Variants in SOX5 observed in about 807,000 individuals in gnomAD.
SOX5 encodes the protein transcription factor SOX-5.
SOX5 carries 9 observed loss-of-function variants against 92.0 expected under a neutral mutation model. The ratio of observed to expected loss-of-function variants is 0.10; its 90% CI spans 0.06 to 0.17. The LOEUF (loss-of-function observed/expected upper bound fraction) is 0.17, where lower values mean the gene tolerates loss of function less well. Ranked by LOEUF, SOX5 falls within the 10% of genes least tolerant of loss-of-function variation. The pLI is 1.00. For synonymous variants in SOX5, 344 were observed against 336.3 expected (o/e 1.02, Z -0.25); for missense variants, 642 against 944.5 (o/e 0.68, Z 4.20).
chr12:24,262,579 A>G (rs1942304944), intron 3 of SOX5, among the ~76,000 whole-genome samples: 1 of 152,232 alleles, frequency 6.6e-6, no homozygotes, highest in South Asian at 2.1e-4. Flanking sequence ...AGGTGACCCC[A>G]TCTTGAGACA....
intron 7 of SOX5, among the ~76,000 whole-genome samples, chr12:23,652,847 T>C (rs2081792251): frequency 6.6e-6 from 1 of 152,144 alleles, no homozygotes; most frequent in African/African-American, 2.4e-5. Flanking sequence ...TAGTTTCCAG[T>C]AGCATTCAAT....
At chr12:24,066,349 A>G (rs1422406199) in intron 4 of SOX5, among the ~76,000 whole-genome samples, 1 of 152,218 alleles carries the variant, frequency 6.6e-6, no homozygotes, top group African/African-American at 2.4e-5. Context: ...GTATGAAATG[A>G]AAATCAATCA....
chr12:24,423,625 G>A (rs1966269913), intron 1 of SOX5, among the ~76,000 whole-genome samples: 1 of 152,182 alleles, frequency 6.6e-6, no homozygotes, highest in South Asian at 2.1e-4. Flanking sequence ...AGCCTCAGCA[G>A]TCAACAGTTT....
chr12:24,285,866 A>C (rs1038678635), intron 2 of SOX5, among the ~76,000 whole-genome samples: 2 of 152,220 alleles, frequency 1.3e-5, no homozygotes, highest in African/African-American at 4.8e-5. Context: ...TGTGCTTAAT[A>C]ATTAACGGAA....
intron 6 of SOX5, among the ~76,000 whole-genome samples, chr12:23,696,158 G>C (rs779086752): frequency 6.6e-6 from 1 of 151,676 alleles, no homozygotes; most frequent in African/African-American, 2.4e-5. Flanking sequence ...GTATTCATTA[G>C]TATTCATTCT....
intron 4 of SOX5, among the ~76,000 whole-genome samples, chr12:24,091,810 T>G (rs1399871198): frequency 6.6e-6 from 1 of 152,086 alleles, no homozygotes; most frequent in Non-Finnish European, 1.5e-5. Context: ...CATCTAGCCA[T>G]TTCTATTTTC....
chr12:23,904,947 C>T (rs777559770), intron 1 of SOX5, among the ~76,000 whole-genome samples: 6 of 151,756 alleles, frequency 4.0e-5, no homozygotes, highest in Non-Finnish European at 7.4e-5. Flanking sequence ...GGATTAGATG[C>T]GCAAAACAAT....
At chr12:24,419,380 T>C (rs949199267) in intron 1 of SOX5, among the ~76,000 whole-genome samples, 2 of 152,218 alleles carry the variant, frequency 1.3e-5, no homozygotes, top group Admixed American at 1.3e-4. Flanking sequence ...CCTCAAGTGA[T>C]CTGCCTGCCT....
At chr12:24,548,110 C>T (rs191866359) in intron 1 of SOX5, among the ~76,000 whole-genome samples, 119 of 152,018 alleles carry the variant, frequency 7.8e-4, no homozygotes, top group African/African-American at 2.8e-3. Flanking sequence ...GTAATTATAC[C>T]CATTCTGCAG....
chr12:23,612,340 A>G (rs936629570), intron 8 of SOX5, among the ~76,000 whole-genome samples: 1 of 152,128 alleles, frequency 6.6e-6, no homozygotes, highest in African/African-American at 2.4e-5. Context: ...AAATGTGACC[A>G]ATGAGATTGT....
intron 11 of SOX5, among the ~76,000 whole-genome samples, chr12:23,554,616 A>T (rs12809491): frequency 0.37 from 55,534 of 152,032 alleles, 10,226 homozygotes; most frequent in Admixed American, 0.42. Flanking sequence ...CAAAATATGA[A>T]GGGAAAGCCA....
At chr12:24,560,763 A>G (rs1412154134) in intron 1 of SOX5, among the ~76,000 whole-genome samples, 1 of 152,220 alleles carries the variant, frequency 6.6e-6, no homozygotes, top group African/African-American at 2.4e-5. Context: ...CTTTAAAGCC[A>G]TCTGGCCCTT....
chr12:23,965,163 C>T (rs61517249), intron 4 of SOX5, among the ~76,000 whole-genome samples: 6,022 of 152,262 alleles, frequency 0.04, 552 homozygotes, highest in East Asian at 0.38. Context: ...TGGATTATCT[C>T]GATGGTGTCC....
At chr12:24,190,927 CCTT>C (rs1956460818) in intron 4 of SOX5, among the ~76,000 whole-genome samples, 2 of 152,116 alleles carry the variant, frequency 1.3e-5, no homozygotes, top group Non-Finnish European at 2.9e-5. Context: ...CAGGAAATAA[CCTT>C]CTTTTAATTA....
At chr12:24,447,110 CAAG>C (rs1334995966) in intron 1 of SOX5, among the ~76,000 whole-genome samples, 1 of 152,192 alleles carries the variant, frequency 6.6e-6, no homozygotes, top group African/African-American at 2.4e-5. Context: ...ACTCCCCAGT[CAAG>C]AAGGTGGAGT....
intron 4 of SOX5, among the ~76,000 whole-genome samples, chr12:24,087,252 A>G (rs1944109494): frequency 6.6e-6 from 1 of 152,058 alleles, no homozygotes; most frequent in Non-Finnish European, 1.5e-5. Context: ...AATTGCCAAA[A>G]TTTTATCATA....
intron 1 of SOX5, among the ~76,000 whole-genome samples, chr12:23,917,260 G>A (rs2097426391): frequency 6.6e-6 from 1 of 152,208 alleles, no homozygotes; most frequent in African/African-American, 2.4e-5. Context: ...GAAACTTCTG[G>A]CCGGGCGCAG....
At chr12:23,846,365 G>A (rs1057329558) in intron 2 of SOX5, among the ~76,000 whole-genome samples, 172 bp from the exon 3 acceptor site, 1 of 152,164 alleles carries the variant, frequency 6.6e-6, no homozygotes, top group African/African-American at 2.4e-5. Context: ...AAAGTGAAAT[G>A]TCACTCTGCA....
intron 4 of SOX5, among the ~76,000 whole-genome samples, chr12:24,010,150 G>A (rs747432573): frequency 3.9e-5 from 6 of 152,146 alleles, no homozygotes; most frequent in Non-Finnish European, 8.8e-5. Context: ...TAACTACAAT[G>A]TGCCAGAAAC....
Sources: allele counts gnomAD v4.1 joint callset (sites outside exome capture counted in the v4.1 genomes callset), GRCh38; gene constraint gnomAD v4.1.1; transcripts MANE v1.5; gene names NCBI Gene and HGNC (gene_info 2026-07-23, HGNC 2026-07-21).